Variants in PCSK2 observed in about 807,000 individuals in gnomAD.
PCSK2 encodes the protein proprotein convertase subtilisin/kexin type 2.
A neutral mutation model predicts 69.7 loss-of-function variants in PCSK2; 14 were observed. The observed-to-expected ratio is 0.20, with a 90% CI of 0.13 to 0.31. The LOEUF (loss-of-function observed/expected upper bound fraction) is 0.31. Ranked by LOEUF, PCSK2 falls within the 10% of genes least tolerant of loss-of-function variation. The pLI is 1.00. For synonymous variants in PCSK2, 307 were observed against 320.7 expected, an observed-to-expected ratio of 0.96 and a Z score of 0.46; for missense variants, 544 against 842.5, an observed-to-expected ratio of 0.65 and a Z score of 4.39.
chr20:17,426,221 A>G (rs2032245516), intron 6 of PCSK2, among the ~76,000 whole-genome samples: 1 of 152,124 alleles, frequency 6.6e-6, no homozygotes, highest in South Asian at 2.1e-4. Flanking sequence ...GAGTCTTACA[A>G]GATCTGATGG....
chr20:17,257,462 A>T (rs1987222489), intron 1 of PCSK2, among the ~76,000 whole-genome samples: 1 of 152,200 alleles, frequency 6.6e-6, no homozygotes, highest in African/African-American at 2.4e-5. Context: ...TACTCTAAAG[A>T]TACATGCACA....
chr20:17,471,077 G>A lies in PCSK2; in HGVS notation c.1430+5524G>A, dbSNP rs114773682. On this transcript the variant is annotated intron_variant, in intron 11 of 11. Transcript: ENST00000262545. ...CAAGCCAGACGGACTTCTAATGATC[G>A]TCAAGCACCATATGATTATGAGAGA... Among the ~76,000 whole-genome samples, 852 of 152,246 alleles carry A rather than the reference G, an allele frequency of 5.6e-3. 9 individuals are homozygous for A. Among genetic ancestry groups the A allele is most frequent in the African/African-American group, 0.019 (794 of 41,538 alleles).
intron 1 of PCSK2, among the ~76,000 whole-genome samples, chr20:17,237,919 T>C (rs1466520531): frequency 6.6e-6 from 1 of 152,178 alleles, no homozygotes; most frequent in Non-Finnish European, 1.5e-5. Flanking sequence ...TATACACGCA[T>C]TGCATTGACA....
chr20:17,314,121 G>A (rs1169136635), intron 2 of PCSK2, among the ~76,000 whole-genome samples: 1 of 151,662 alleles, frequency 6.6e-6, no homozygotes, highest in Non-Finnish European at 1.5e-5. Context: ...CTAACAAATA[G>A]GCAGGCAACC....
chr20:17,411,161 A>G (rs1372735352), intron 6 of PCSK2, among the ~76,000 whole-genome samples: 1 of 152,250 alleles, frequency 6.6e-6, no homozygotes, highest in Non-Finnish European at 1.5e-5. Flanking sequence ...AGCTCCCAGC[A>G]TGATCGACGC....
chr20:17,375,349 G>C (rs1395633043), intron 5 of PCSK2, among the ~76,000 whole-genome samples: 1 of 152,154 alleles, frequency 6.6e-6, no homozygotes, highest in African/African-American at 2.4e-5. Context: ...GCAAAAATCA[G>C]AGGATACCAA....
intron 2 of PCSK2, among the ~76,000 whole-genome samples, chr20:17,318,320 G>A (rs924138361): frequency 6.6e-6 from 1 of 152,212 alleles, no homozygotes; most frequent in Non-Finnish European, 1.5e-5. Flanking sequence ...CCCTCTGTGA[G>A]AGATGAAGCA....
At chr20:17,381,194 G>A (rs6136081) in intron 5 of PCSK2, among the ~76,000 whole-genome samples, 1 of 152,124 alleles carries the variant, frequency 6.6e-6, no homozygotes, top group African/African-American at 2.4e-5. Context: ...CACAAAGAAA[G>A]AATCTTTAAT....
intron 2 of PCSK2, among the ~76,000 whole-genome samples, chr20:17,343,530 G>A (rs935935652): frequency 6.6e-6 from 1 of 152,208 alleles, no homozygotes; most frequent in Non-Finnish European, 1.5e-5. Context: ...GCGGGAGGCA[G>A]AATAATGACC....
chr20:17,409,151 C>T (rs1476761670), intron 5 of PCSK2, 112 bp from the exon 6 acceptor site: 5 of 803,504 alleles, frequency 6.2e-6, no homozygotes, highest in Non-Finnish European at 1.1e-5. Context: ...TCCAGTGCAG[C>T]ACACTAATCC....
intron 2 of PCSK2, among the ~76,000 whole-genome samples, chr20:17,316,848 T>G (rs1455737561): frequency 2.0e-5 from 3 of 152,160 alleles, no homozygotes; most frequent in Non-Finnish European, 4.4e-5. Context: ...AAGAGTTGAA[T>G]GCACCAGGAG....
At chr20:17,390,330 A>T (rs2031340184) in intron 5 of PCSK2, among the ~76,000 whole-genome samples, 2 of 152,228 alleles carry the variant, frequency 1.3e-5, no homozygotes, top group African/African-American at 4.8e-5. Context: ...GATTGGCATG[A>T]TGGTGACTCA....
chr20:17,317,096 G>C (rs1452051673), intron 2 of PCSK2, among the ~76,000 whole-genome samples: 1 of 152,040 alleles, frequency 6.6e-6, no homozygotes, highest in Admixed American at 6.5e-5. Context: ...TTCTGACTCA[G>C]TCTTTTCTTC....
chr20:17,372,430 A>AATAT (rs1163785702), intron 5 of PCSK2, among the ~76,000 whole-genome samples: 1 of 148,388 alleles, frequency 6.7e-6, no homozygotes, highest in Non-Finnish European at 1.5e-5. Flanking sequence ...TAAATAAATA[A>AATAT]AAATAAAAGA....
At chr20:17,430,662 T>G (rs1475224891) in intron 7 of PCSK2, among the ~76,000 whole-genome samples, 1 of 152,168 alleles carries the variant, frequency 6.6e-6, no homozygotes, top group African/African-American at 2.4e-5. Flanking sequence ...ACATCCAAAA[T>G]GCTGGCATTA....
chr20:17,473,192 C>T (rs2033235827), intron 11 of PCSK2, among the ~76,000 whole-genome samples: 1 of 147,956 alleles, frequency 6.8e-6, no homozygotes, highest in South Asian at 2.1e-4. Flanking sequence ...CTCCCGCGTT[C>T]AAGCGATTCT....
intron 2 of PCSK2, among the ~76,000 whole-genome samples, chr20:17,351,997 G>A (rs973977527): frequency 1.3e-5 from 2 of 152,152 alleles, no homozygotes; most frequent in Non-Finnish European, 2.9e-5. Flanking sequence ...AAAAGCTTCA[G>A]TAACATTTGG....
chr20:17,437,171 G>A (rs909791096), intron 8 of PCSK2, among the ~76,000 whole-genome samples: 3 of 152,146 alleles, frequency 2.0e-5, no homozygotes, highest in Admixed American at 6.5e-5. Context: ...CAGTCCCCAC[G>A]CCAAAGCTGC....
At chr20:17,446,557 C>G (rs1243529345) in intron 8 of PCSK2, among the ~76,000 whole-genome samples, 1 of 152,144 alleles carries the variant, frequency 6.6e-6, no homozygotes, top group Admixed American at 6.5e-5. Flanking sequence ...CAAGCAGCAG[C>G]AATGACTACC....
Sources: allele counts gnomAD v4.1 joint callset (sites outside exome capture counted in the v4.1 genomes callset), GRCh38; gene constraint gnomAD v4.1.1; transcripts MANE v1.5; gene names NCBI Gene and HGNC (gene_info 2026-07-23, HGNC 2026-07-21).